Variants in SLC45A1 observed in about 807,000 individuals in gnomAD.
SLC45A1 encodes proton-associated sugar transporter A.
A neutral mutation model predicts 57.6 loss-of-function variants in SLC45A1; 28 were observed. The ratio of observed to expected loss-of-function variants is 0.49; its 90% CI spans 0.36 to 0.67. The LOEUF is 0.67. Ranked by LOEUF, SLC45A1 falls within the 30% of genes least tolerant of loss-of-function variation. The pLI is 0.00. For missense variants in SLC45A1, 814 were observed against 1,041.5 expected (o/e 0.78, Z 3.01); for synonymous variants, 459 against 471.5 (o/e 0.97, Z 0.34).
chr1:8,328,901 G>C lies in SLC45A1; in HGVS notation c.716-1308G>C, dbSNP rs184453306. Among the ~76,000 whole-genome samples the C allele has an allele frequency of 3.5e-4, 54 of 152,216 alleles. No homozygotes were observed. Among genetic ancestry groups the C allele is most frequent in the Middle Eastern group, 6.8e-3 (2 of 294 alleles). On this transcript the variant is annotated intron_variant, in intron 4 of 8. Transcript: ENST00000471889. The surrounding 1 kb of genome is among the most constrained non-coding windows in gnomAD (Gnocchi z 4.6). ...AAATCTGACCTTGGATAAGGGTCAC[G>C]AACAGCAATGGTGTCTTTCAGGAGG...
At chr1:8,337,691 T>G in intron 6 of SLC45A1, 125 bp from the exon 7 acceptor site, 1 of 858,354 alleles carries the variant, frequency 1.2e-6, no homozygotes, top group Non-Finnish European at 1.8e-6. Context: ...GTGCTGGGAT[T>G]ACAGGCGTGA....
Position 8,335,052 on chromosome 1 carries a change from C to T in SLC45A1, c.1444-385C>T, listed in dbSNP as rs1055068516. ...TCCTGGTGGCCACCTTGAAATAAGT[C>T]GTTCCCAGTCTTCTTTTACAAAAAA... On this transcript the variant is annotated intron_variant, in intron 5 of 8. Coordinates refer to ENST00000471889, the MANE Select transcript of SLC45A1 (RefSeq NM_001080397.3). This position sits in a 1 kb window ranked among gnomAD's most constrained non-coding sequence, Gnocchi z 4.1. Among the ~76,000 whole-genome samples, 8 of 152,158 alleles carry T rather than the reference C, an allele frequency of 5.3e-5. No homozygotes were observed. Among genetic ancestry groups the T allele is most frequent in the Non-Finnish European group, 1.2e-4 (8 of 68,040 alleles).
chr1:8,322,878 C>T (rs948955283), intron 1 of SLC45A1, among the ~76,000 whole-genome samples: 2 of 152,100 alleles, frequency 1.3e-5, no homozygotes, highest in Non-Finnish European at 2.9e-5. Flanking sequence ...TGGAACCCCC[C>T]ACCCCCTCTG....
chr1:8,337,799 CTCTT>C lies in SLC45A1; in HGVS notation c.1598-8_1598-5del. 5 of 1,609,932 alleles carry C rather than the reference CTCTT, an allele frequency of 3.1e-6. No homozygotes were observed. Among genetic ancestry groups the C allele is most frequent in the Non-Finnish European group, 4.2e-6 (5 of 1,178,016 alleles). On this transcript the variant is annotated splice_polypyrimidine_tract_variant and intron_variant, in intron 6 of 8. Coordinates refer to ENST00000471889, the MANE Select transcript of SLC45A1 (RefSeq NM_001080397.3). Reference sequence around the variant, plus strand: ...GGCCTTTGCCCCCGAGGTCATGAACCTCTTTCTTTCTTCCAGGGTGGCTCTCATT... The same window carrying C: ...GGCCTTTGCCCCCGAGGTCATGAACCTCTTTCTTCCAGGGTGGCTCTCATT...
At chr1:8,338,442 A>G (rs572720050) in intron 7 of SLC45A1, among the ~76,000 whole-genome samples, 1 of 152,298 alleles carries the variant, frequency 6.6e-6, no homozygotes, top group South Asian at 2.1e-4. Flanking sequence ...GATGACTTTG[A>G]GGTTCTCTGT....
rs749492882 is a variant in SLC45A1 at position 8,330,638 on chromosome 1, C to T, written c.1145C>T (p.Thr382Met). 26 of 1,613,492 alleles carry T rather than the reference C, an allele frequency of 1.6e-5. No homozygotes were observed. In the East Asian group the frequency reaches 2.9e-4, roughly 18 times the overall value. ...GACAGCGTCCTCATTGACTGCTTCA[C>T]GGGCGGCCACGACAGCTACCTGGCC... The part of the protein sequence containing the change: ...NIDSVLIDCF[T>M]GGHDSYLAIP... The change falls in exon 5 of 9, where the codon ACG (threonine) becomes ATG (methionine). Residue 382 changes from threonine to methionine, a missense_variant. By Grantham distance (81) the Thr-to-Met change is moderately conservative. Coordinates refer to ENST00000471889, the MANE Select transcript of SLC45A1 (RefSeq NM_001080397.3). The surrounding 1 kb of genome is among the most constrained non-coding windows in gnomAD (Gnocchi z 8.4).
chr1:8,326,275 A>G lies in SLC45A1; in HGVS notation c.715+233A>G, dbSNP rs1640200843. Among the ~76,000 whole-genome samples the G allele has an allele frequency of 6.6e-6, 1 of 152,250 alleles. No homozygotes were observed. The highest frequency in any genetic ancestry group is 1.5e-5 in the Non-Finnish European group (1 of 68,034). ...TAGGTCTATAAATTCAAATGTTTATATTCGTGGATTCTCATTGTTTGAGGT... is the reference window on the plus strand; with the variant it reads ...TAGGTCTATAAATTCAAATGTTTATGTTCGTGGATTCTCATTGTTTGAGGT... On this transcript the variant is annotated intron_variant, in intron 4 of 8. Transcript: ENST00000471889. This position sits in a 1 kb window ranked among gnomAD's most constrained non-coding sequence, Gnocchi z 5.5.
chr1:8,318,590 C>T (rs1295672607), intron 1 of SLC45A1, among the ~76,000 whole-genome samples: 3 of 152,348 alleles, frequency 2.0e-5, no homozygotes, highest in African/African-American at 7.2e-5. Flanking sequence ...CTGGCAACGC[C>T]CCTCAGCATC....
intron 8 of SLC45A1, among the ~76,000 whole-genome samples, chr1:8,341,804 C>T (rs1002851531): frequency 2.7e-4 from 41 of 152,036 alleles, no homozygotes; most frequent in Middle Eastern, 3.4e-3. Flanking sequence ...CCCATAATTC[C>T]AGCTACTTGG....
chr1:8,338,464 T>G (rs1231227362), intron 7 of SLC45A1, among the ~76,000 whole-genome samples: 1 of 152,244 alleles, frequency 6.6e-6, no homozygotes, highest in East Asian at 1.9e-4. Context: ...TGGGGTACCC[T>G]TGGAGCACAG....
At chr1:8,331,652 A>G (rs1165935645) in intron 5 of SLC45A1, among the ~76,000 whole-genome samples, 1 of 152,126 alleles carries the variant, frequency 6.6e-6, no homozygotes, top group African/African-American at 2.4e-5. Context: ...GAAAAAGAAA[A>G]GACAAGCCTC....
Position 8,335,681 on chromosome 1 carries a change from C to A in SLC45A1, c.1597+91C>A. ...CCCAGGATGCCCCTGAGCCTCCCTT[C>A]CCAGAACCTTTCTGAGTTCACCAGC... is the stretch of plus-strand genomic sequence containing the variant. On this transcript the variant is annotated intron_variant, in intron 6 of 8. Transcript: ENST00000471889. The surrounding 1 kb of genome is among the most constrained non-coding windows in gnomAD (Gnocchi z 4.1). 9 of 1,383,710 alleles carry A rather than the reference C, an allele frequency of 6.5e-6. No homozygotes were observed. Among genetic ancestry groups the A allele is most frequent in the Non-Finnish European group, 8.7e-6 (9 of 1,037,454 alleles). 85.7% of individuals were successfully genotyped at this position (1,383,710 alleles called of 1,614,324 possible). A position where few individuals can be genotyped will look rare whatever the true frequency, so the allele number is the denominator to read the frequency against.
chr1:8,323,256 G>C (rs1336302047), intron 1 of SLC45A1, among the ~76,000 whole-genome samples: 1 of 152,146 alleles, frequency 6.6e-6, no homozygotes, highest in Non-Finnish European at 1.5e-5. Context: ...ACTTTGGGAG[G>C]CCGAGGTGGG....
Position 8,325,510 on chromosome 1 carries a change from G to A in SLC45A1, c.490+120G>A, listed in dbSNP as rs569658094. 3.9e-5 allele frequency: 28 copies of A among 726,860 alleles called. No individual in the cohort carries two copies. Among genetic ancestry groups the A allele is most frequent in the African/African-American group, 1.6e-4 (9 of 56,058 alleles). 45.0% of individuals were successfully genotyped at this position (726,860 alleles called of 1,614,324 possible). A position where few individuals can be genotyped will look rare whatever the true frequency, so the allele number is the denominator to read the frequency against. ...CAGTTACCCAGATAGCTCTGGGCCC[G>A]CACTGGTGTGAGGCAGGGAGTGCCC... On this transcript the variant is annotated intron_variant, in intron 3 of 8. Transcript: ENST00000471889. The surrounding 1 kb of genome is among the most constrained non-coding windows in gnomAD (Gnocchi z 6.3).
At position 8,335,702 on chromosome 1, in the gene SLC45A1, C is replaced by T. The variant is rs1229770074; in HGVS notation, c.1597+112C>T. 2.4e-6 allele frequency: 3 copies of T among 1,238,566 alleles called. No homozygotes were observed. The highest frequency in any genetic ancestry group is 3.3e-6 in the Non-Finnish European group (3 of 917,800). 76.7% of individuals were successfully genotyped at this position (1,238,566 alleles called of 1,614,324 possible). Reference sequence around the variant, plus strand: ...CCTTCCCAGAACCTTTCTGAGTTCACCAGCCCCCAACAACAGCACCAAGGG... The same window carrying T: ...CCTTCCCAGAACCTTTCTGAGTTCATCAGCCCCCAACAACAGCACCAAGGG... On this transcript the variant is annotated intron_variant, in intron 6 of 8. Transcript: ENST00000471889. The surrounding 1 kb of genome is among the most constrained non-coding windows in gnomAD (Gnocchi z 4.1).
In SLC45A1 at chr1:8,330,462, C is replaced by T. The variant is rs771850574; in HGVS notation, c.969C>T (p.Gly323=). ...SPPVLPEEGP[G]DSLPSHTATN... is the part of the protein sequence containing the mutation. ...CCGTCCTGCCAGAGGAAGGCCCTGG[C>T]GACAGCCTCCCGTCGCACACGGCCA... The change falls in exon 5 of 9, where the codon GGC becomes GGT. Residue 323 remains glycine, a synonymous_variant. Transcript: ENST00000471889. This position sits in a 1 kb window ranked among gnomAD's most constrained non-coding sequence, Gnocchi z 8.4. 22 of 1,611,886 alleles carry T rather than the reference C, an allele frequency of 1.4e-5. No individual in the cohort carries two copies. Among genetic ancestry groups the T allele is most frequent in the African/African-American group, 5.3e-5 (4 of 74,898 alleles).
At position 8,339,667 on chromosome 1, in the gene SLC45A1, C is replaced by T. The variant is rs764155450; in HGVS notation, c.1949C>T (p.Ser650Leu). The change falls in exon 8 of 9, where the codon TCG becomes TTG. Residue 650 changes from serine to leucine, a missense_variant. Ser to Leu is a moderately radical substitution (Grantham distance 145). Coordinates refer to ENST00000471889, the MANE Select transcript of SLC45A1 (RefSeq NM_001080397.3). ...LFSTLCTLPY[S>L]LLCDYYQSKK... ...TCCACCCTGTGCACCTTGCCTTACT[C>T]GCTGCTCTGCGATTACTATCAGAGT... The T allele has an allele frequency of 7.4e-6, 12 of 1,614,100 alleles. No homozygotes were observed. The highest frequency in any genetic ancestry group is 2.2e-5 in the South Asian group (2 of 91,086).
At position 8,338,052 on chromosome 1, in the gene SLC45A1, T is replaced by C. The variant is rs975887580; in HGVS notation, c.1774+60T>C. The C allele has an allele frequency of 3.4e-5, 52 of 1,515,092 alleles. 1 individual carries two copies. The Admixed American group carries it at 9.7e-4, about 28-fold the overall frequency. 93.9% of individuals were successfully genotyped at this position (1,515,092 alleles called of 1,614,324 possible). A position where few individuals can be genotyped will look rare whatever the true frequency, so the allele number is the denominator to read the frequency against. On this transcript the variant is annotated intron_variant, in intron 7 of 8. Coordinates refer to ENST00000471889, the MANE Select transcript of SLC45A1 (RefSeq NM_001080397.3). ...GAGCTTTGGTTGGGTCCATGGAGCA[T>C]GCGAAATGAAGGCAGGTTCATGGCC...
rs372778417 is a variant in SLC45A1, at chr1:8,324,683, C to G, written c.354C>G (p.Pro118=). 6.3e-7 allele frequency: 1 copy of G among 1,594,626 alleles called. No homozygotes were observed. Among genetic ancestry groups the G allele is most frequent in the South Asian group, 1.1e-5 (1 of 88,052 alleles). The change falls in exon 2 of 9, where the codon CCC becomes CCG. Residue 118 remains proline (P), a synonymous_variant. Coordinates refer to ENST00000471889, the MANE Select transcript of SLC45A1 (RefSeq NM_001080397.3). The part of the protein sequence containing the change: ...VTPVLLQMGL[P]DQLYSLVWFI... The stretch of plus-strand genomic sequence containing the variant: ...CGGTGCTCCTGCAGATGGGCCTGCC[C>G]GACCAGCTCTACAGCCTGGTGTGGT...
Sources: allele counts gnomAD v4.1 joint callset (sites outside exome capture counted in the v4.1 genomes callset), GRCh38; gene constraint gnomAD v4.1.1; non-coding constraint Gnocchi (gnomAD v3.1); transcripts MANE v1.5; gene names NCBI Gene and HGNC (gene_info 2026-07-23, HGNC 2026-07-21).